Variants in FUBP1 observed in about 807,000 individuals in gnomAD.
FUBP1 encodes far upstream element-binding protein 1.
In FUBP1, 16 loss-of-function variants were observed where a neutral mutation model predicts 94.9. That is an observed-to-expected ratio of 0.17 (90% CI 0.11 to 0.26). FUBP1 has a LOEUF of 0.26. Ranked by LOEUF, FUBP1 falls within the 10% of genes least tolerant of loss-of-function variation. The pLI is 1.00. For missense variants in FUBP1, 583 were observed against 808.6 expected (o/e 0.72, Z 3.38); for synonymous variants, 279 against 254.9 (o/e 1.09, Z -0.90).
chr1:77,962,626 C>T (rs1655706879), intron 14 of FUBP1, 144 bp downstream of exon 14: 5 of 464,194 alleles, frequency 1.1e-5, no homozygotes, highest in South Asian at 5.2e-5. Context: ...AAAATCTTCA[C>T]GTTGTATCTA....
At chr1:77,978,672 G>C (rs755987511) in intron 1 of FUBP1, among the ~76,000 whole-genome samples, 1 of 152,192 alleles carries the variant, frequency 6.6e-6, no homozygotes, top group Non-Finnish European at 1.5e-5. Flanking sequence ...TGCGTAGCAC[G>C]CGTCGGGGTT....
At chr1:77,972,228 C>G (rs993944782) in intron 1 of FUBP1, among the ~76,000 whole-genome samples, 1 of 152,088 alleles carries the variant, frequency 6.6e-6, no homozygotes, top group Non-Finnish European at 1.5e-5. Flanking sequence ...TGGGTATCGA[C>G]AGGCACTAAT....
At chr1:77,979,287 T>G (rs1319598397), upstream of FUBP1, 1 of 416,096 alleles carries the variant, frequency 2.4e-6, no homozygotes, top group African/African-American at 2.0e-5. Flanking sequence ...CTCCGCGCGT[T>G]CTTGGGGTGA....
At chr1:77,949,345 C>A in intron 18 of FUBP1, 45 bp from the exon 19 acceptor site, 1 of 1,499,530 alleles carries the variant, frequency 6.7e-7, no homozygotes, top group Non-Finnish European at 9.2e-7. Context: ...AATTATAAGC[C>A]CAACATCTCA....
rs1356056013 is a variant in FUBP1, at chr1:77,946,166, T to C, written c.*2600A>G. On this transcript the variant is annotated 3_prime_UTR_variant, in exon 20 of 20. Coordinates refer to ENST00000370768, the MANE Select transcript of FUBP1 (RefSeq NM_003902.5). ...AACAGATTGTGAAGGCTGTTGAAGT[T>C]TCTAAACAAGTGATTTCCTAAATCT... Among the ~76,000 whole-genome samples, 1 of 151,990 alleles carries C rather than the reference T, an allele frequency of 6.6e-6. No individual in the cohort carries two copies. The highest frequency in any genetic ancestry group is 1.5e-5 in the Non-Finnish European group (1 of 67,912).
intron 17 of FUBP1, among the ~76,000 whole-genome samples, chr1:77,955,757 C>A (rs1013574038): frequency 6.6e-6 from 1 of 151,282 alleles, no homozygotes; most frequent in Non-Finnish European, 1.5e-5. Flanking sequence ...TGTAGGTATG[C>A]ATGTATGTAA....
chr1:77,975,580 C>T (rs377628809), intron 1 of FUBP1, among the ~76,000 whole-genome samples: 1 of 152,142 alleles, frequency 6.6e-6, no homozygotes, highest in South Asian at 2.1e-4. Flanking sequence ...TTAATAGTCT[C>T]GCTTAGCTAA....
rs2102375349 is a variant in FUBP1 at position 77,962,845 on chromosome 1, A to G, written c.1269T>C (p.Asn423=). The change falls in exon 14 of 20, where the codon AAT becomes AAC. Residue 423 remains asparagine (N), a synonymous_variant. Coordinates refer to ENST00000370768, the MANE Select transcript of FUBP1 (RefSeq NM_003902.5). ...QRNPPPNADP[N]MKLFTIRGTP... The stretch of plus-strand genomic sequence containing the variant: ...TGCCACGAATTGTAAATAACTTCAT[A>G]TTAGGATCTGCATTTGGTGGAGGAT... The G allele has an allele frequency of 6.2e-7, 1 of 1,611,638 alleles. No individual in the cohort carries two copies.
In FUBP1 at chr1:77,962,938, CAA is replaced by C. The variant is rs201677517; in HGVS notation, c.1184-10_1184-9del. On this transcript the variant is annotated splice_polypyrimidine_tract_variant and intron_variant, in intron 13 of 19. Transcript: ENST00000370768. The stretch of plus-strand genomic sequence containing the variant: ...TTTTTATGGTTTCACCTCCTAAAAT[CAA>C]AAGACAGTAATTTCTCTAAAGGTTT... The C allele has an allele frequency of 2.8e-4, 453 of 1,605,390 alleles. 3 individuals are homozygous for C. The East Asian group carries it at 7.6e-3, about 27-fold the overall frequency.
chr1:77,949,366 A>C, intron 18 of FUBP1, 66 bp from the exon 19 acceptor site: 1 of 1,275,606 alleles, frequency 7.8e-7, no homozygotes, highest in African/African-American at 1.5e-5. Context: ...TTTCTAATAA[A>C]AACAATACCT....
chr1:77,950,097 A>G (rs150425515), intron 18 of FUBP1, among the ~76,000 whole-genome samples: 13 of 152,350 alleles, frequency 8.5e-5, no homozygotes, highest in Non-Finnish European at 1.3e-4. Context: ...AAACACACAG[A>G]CGACAAAAGA....
In FUBP1 at chr1:77,964,283, T is replaced by C; in HGVS notation, c.911A>G (p.Asp304Gly). 6.2e-7 allele frequency: 1 copy of C among 1,609,864 alleles called. No individual in the cohort carries two copies. Among genetic ancestry groups the C allele is most frequent in the Non-Finnish European group, 8.5e-7 (1 of 1,178,048 alleles). The part of the protein sequence containing the change: ...NGEMIKKIQN[D>G]AGVRIQFKPD... ...CTTAAACTGAATGCGAACACCAGCA[T>C]CATTTTGTATTTTTTTGATCATCTC... is the stretch of plus-strand genomic sequence containing the variant. The change falls in exon 11 of 20, where the codon GAT (aspartate) becomes GGT (glycine). Residue 304 changes from aspartate (D) to glycine (G), a missense_variant. Physicochemically the swap from Asp to Gly is moderately conservative, Grantham distance 94 (BLOSUM62 -1). Coordinates refer to ENST00000370768, the MANE Select transcript of FUBP1 (RefSeq NM_003902.5).
In FUBP1 at chr1:77,946,776, G is replaced by A. The variant is rs778480978; in HGVS notation, c.*1990C>T. 63 of 206,168 alleles carry A rather than the reference G, an allele frequency of 3.1e-4. No individual in the cohort carries two copies. Among genetic ancestry groups the A allele is most frequent in the Non-Finnish European group, 5.0e-4 (50 of 100,810 alleles). 12.8% of individuals were successfully genotyped at this position (206,168 alleles called of 1,614,324 possible). A position where few individuals can be genotyped will look rare whatever the true frequency, so the allele number is the denominator to read the frequency against. ...CATGCAAAATACTGCAATTGTTCAC[G>A]TCAATACCCTACTCTTAAAGATAAC... On this transcript the variant is annotated 3_prime_UTR_variant, in exon 20 of 20. Coordinates refer to ENST00000370768, the MANE Select transcript of FUBP1 (RefSeq NM_003902.5).
Position 77,947,368 on chromosome 1 carries a change from C to A in FUBP1, c.*1398G>T, listed in dbSNP as rs1652383750. On this transcript the variant is annotated 3_prime_UTR_variant, in exon 20 of 20. Transcript: ENST00000370768. ...GCACTGTATTCCAACATAATATTCA[C>A]ACAACGTATGGCATTTGCATTATGT... is the stretch of plus-strand genomic sequence containing the variant. 1 of 472,454 alleles carries A rather than the reference C, an allele frequency of 2.1e-6. No homozygotes were observed. Among genetic ancestry groups the A allele is most frequent in the Non-Finnish European group, 4.1e-6 (1 of 241,452 alleles). 29.3% of individuals were successfully genotyped at this position (472,454 alleles called of 1,614,324 possible).
chr1:77,955,298 C>A lies in FUBP1; in HGVS notation c.1737G>T (p.Gln579His). The change falls in exon 18 of 20, where the codon CAG (glutamine) becomes CAT (histidine). Residue 579 changes from glutamine (Q) to histidine (H), a missense_variant. Transcript: ENST00000370768. ...GDQQNPAPAG[Q>H]VDYTKAWEEY... ...CTTCCCAAGCCTTGGTATAATCAAC[C>A]TGTCCAGCTGGGGCTGGATTCTGCT... 6.4e-7 allele frequency: 1 copy of A among 1,566,688 alleles called. No individual in the cohort carries two copies. The highest frequency in any genetic ancestry group is 8.8e-7 in the Non-Finnish European group (1 of 1,136,938).
chr1:77,964,843 C>T (rs1159827813), intron 9 of FUBP1, 27 bp downstream of exon 9: 3 of 1,535,136 alleles, frequency 2.0e-6, no homozygotes, highest in Admixed American at 3.3e-5. Context: ...CCCACTCTTT[C>T]TTTATAAAGT....
chr1:77,962,649 T>C (rs1375033056), intron 14 of FUBP1, 121 bp downstream of exon 14: 1 of 566,308 alleles, frequency 1.8e-6, no homozygotes, highest in Non-Finnish European at 3.1e-6. Flanking sequence ...ATACATATCA[T>C]GAAATCTATA....
intron 14 of FUBP1, among the ~76,000 whole-genome samples, chr1:77,962,521 G>GT (rs1424419852): frequency 2.6e-5 from 4 of 152,088 alleles, no homozygotes; most frequent in Non-Finnish European, 5.9e-5. Flanking sequence ...ATGCCTACAG[G>GT]TAACACTACC....
chr1:77,963,820 G>A (rs1655980807), intron 12 of FUBP1, 105 bp from the exon 13 acceptor site: 3 of 911,952 alleles, frequency 3.3e-6, no homozygotes. Context: ...ACCTGAATCA[G>A]AAATGTAGAG....
Sources: gnomAD v4.1 joint callset for allele counts (sites outside exome capture counted in the v4.1 genomes callset) on GRCh38, gnomAD v4.1.1 for gene constraint, MANE v1.5 for transcripts, NCBI Gene and HGNC (gene_info 2026-07-23, HGNC 2026-07-21) for gene names.